The following ARHGAP8 variants were observed in gnomAD, a reference collection of about 807,000 sequenced individuals.
ARHGAP8 encodes rho GTPase-activating protein 8.
ARHGAP8 carries 62 observed loss-of-function variants against 46.1 expected under a neutral mutation model. That is an observed-to-expected ratio of 1.34 (90% CI 1.10 to 1.66). ARHGAP8 has a LOEUF of 1.66. Among genes scored for constraint, ARHGAP8 ranks in the 40% most tolerant of loss-of-function variants. ARHGAP8 has a pLI of 0.00. For missense variants in ARHGAP8, 923 were observed against 568.4 expected, an observed-to-expected ratio of 1.62 and a Z score of -6.34; for synonymous variants, 375 against 243.1, an observed-to-expected ratio of 1.54 and a Z score of -5.05.
intron 10 of ARHGAP8, among the ~76,000 whole-genome samples, chr22:44,854,258 A>G (rs2070168063): frequency 1.5e-5 from 2 of 131,486 alleles, no homozygotes; most frequent in African/African-American, 5.7e-5. Flanking sequence ...TTTTTTTGAG[A>G]CGGAGTCTTG....
chr22:44,859,076 C>G (rs1229281474), intron 10 of ARHGAP8, among the ~76,000 whole-genome samples: 1 of 150,866 alleles, frequency 6.6e-6, no homozygotes, highest in Non-Finnish European at 1.5e-5. Context: ...TTGCCAACCC[C>G]TGGTCTAGAC....
At chr22:44,834,917 C>T (rs1434259965) in intron 7 of ARHGAP8, among the ~76,000 whole-genome samples, 2 of 152,010 alleles carry the variant, frequency 1.3e-5, no homozygotes, top group African/African-American at 4.8e-5. Flanking sequence ...TTAATATAGC[C>T]ATTATAGCTC....
chr22:44,818,166 T>C (rs1452234336), intron 5 of ARHGAP8, among the ~76,000 whole-genome samples: 1 of 147,842 alleles, frequency 6.8e-6, no homozygotes, highest in Non-Finnish European at 1.5e-5. Flanking sequence ...TTCACCTGCT[T>C]GGCCAGGCAC....
intron 1 of ARHGAP8, among the ~76,000 whole-genome samples, chr22:44,776,861 G>A (rs1926463524): frequency 6.6e-6 from 1 of 152,010 alleles, no homozygotes. Flanking sequence ...CCTTCCACTG[G>A]GAGCCTCTCC....
chr22:44,862,433 C>A lies in ARHGAP8; in HGVS notation c.1140C>A (p.Ile380=), dbSNP rs778008520. The change falls in exon 12 of 12, where the codon ATC becomes ATA. Residue 380 remains isoleucine (I), a synonymous_variant. Coordinates refer to ENST00000356099, the MANE Select transcript of ARHGAP8 (RefSeq NM_181335.3). ...TELLIEYYEK[I]FSTPEAPGEH... is the part of the protein sequence containing the mutation. ...TGCTGATCGAGTACTATGAAAAGATCTTCAGCACCCCGGAGGCACCTGGGG... is the reference window on the plus strand; with the variant it reads ...TGCTGATCGAGTACTATGAAAAGATATTCAGCACCCCGGAGGCACCTGGGG... The A allele has an allele frequency of 6.2e-7, 1 of 1,614,152 alleles. No individual in the cohort carries two copies. The highest frequency in any genetic ancestry group is 1.1e-5 in the South Asian group (1 of 91,080).
At chr22:44,854,304 T>C (rs988691073) in intron 10 of ARHGAP8, among the ~76,000 whole-genome samples, 11 of 150,690 alleles carry the variant, frequency 7.3e-5, no homozygotes, top group Non-Finnish European at 8.8e-5. Context: ...TGGCCTGATC[T>C]TGGCTCATTA....
At chr22:44,759,629 G>GGA (rs1924970270) in intron 1 of ARHGAP8, among the ~76,000 whole-genome samples, 2 of 149,266 alleles carry the variant, frequency 1.3e-5, no homozygotes, top group South Asian at 4.2e-4. Flanking sequence ...ACCCAGCTGC[G>GGA]CAGAGACTCT....
At chr22:44,861,430 G>C (rs921330770) in intron 11 of ARHGAP8, among the ~76,000 whole-genome samples, 7 of 152,200 alleles carry the variant, frequency 4.6e-5, no homozygotes, top group African/African-American at 1.7e-4. Flanking sequence ...AGTGGGCCTG[G>C]CTGGTGCACA....
chr22:44,853,990 G>A (rs575624540), intron 10 of ARHGAP8, among the ~76,000 whole-genome samples: 24 of 116,482 alleles, frequency 2.1e-4, no homozygotes, highest in Non-Finnish European at 3.7e-4. Context: ...TCTCACCATT[G>A]CACTCCAGCC....
chr22:44,804,200 G>C (rs969329425), intron 3 of ARHGAP8, among the ~76,000 whole-genome samples: 1 of 152,098 alleles, frequency 6.6e-6, no homozygotes, highest in South Asian at 2.1e-4. Flanking sequence ...GGCCTTGGGC[G>C]CCCTGTCATC....
At chr22:44,851,290 G>A (rs2070086536) in intron 10 of ARHGAP8, among the ~76,000 whole-genome samples, 1 of 152,216 alleles carries the variant, frequency 6.6e-6, no homozygotes, top group African/African-American at 2.4e-5. Context: ...AGGTTCATTG[G>A]TGGGAACCCT....
In ARHGAP8 at chr22:44,814,742, T is replaced by A; in HGVS notation, c.370T>A (p.Leu124Met). Reference sequence around the variant, plus strand: ...CTTCATCAAGGTCCTGTGGAACATCTTGAAGCCCCTCATCAGGTATGCGTC... The same window carrying A: ...CTTCATCAAGGTCCTGTGGAACATCATGAAGCCCCTCATCAGGTATGCGTC... ...TSFIKVLWNILKPLISHKFGK... is the reference protein window; with the variant it reads ...TSFIKVLWNIMKPLISHKFGK... Residue 124 changes from leucine to methionine, a missense_variant, in exon 5 of 12, where the codon TTG (leucine) becomes ATG (methionine). Transcript: ENST00000356099. The A allele has an allele frequency of 6.2e-7, 1 of 1,614,012 alleles. No individual in the cohort carries two copies. The highest frequency in any genetic ancestry group is 1.1e-5 in the South Asian group (1 of 91,066).
chr22:44,819,277 G>T (rs141431992), intron 5 of ARHGAP8, among the ~76,000 whole-genome samples: 1 of 152,272 alleles, frequency 6.6e-6, no homozygotes, highest in Non-Finnish European at 1.5e-5. Flanking sequence ...ATGTTACCCA[G>T]GCTCCTCTCC....
In ARHGAP8 at chr22:44,835,560, G is replaced by A. The variant is rs570560433; in HGVS notation, c.597-9709G>A. Among the ~76,000 whole-genome samples the A allele has an allele frequency of 3.9e-5, 6 of 152,320 alleles. No homozygotes were observed. The East Asian group carries it at 1.2e-3, about 29-fold the overall frequency. On this transcript the variant is annotated intron_variant, in intron 7 of 11. Transcript: ENST00000356099. ...CACTTGAACCGGGGAGGCGGAGGTT[G>A]CAGTGAGCCAAGATCGCGCCACTGC...
chr22:44,834,717 A>G (rs1931168875), intron 7 of ARHGAP8, among the ~76,000 whole-genome samples: 1 of 152,178 alleles, frequency 6.6e-6, no homozygotes, highest in African/African-American at 2.4e-5. Flanking sequence ...AGTCTCCAGT[A>G]TCATTTTAAA....
At chr22:44,782,400 C>G (rs1028833335) in intron 1 of ARHGAP8, among the ~76,000 whole-genome samples, 1 of 152,148 alleles carries the variant, frequency 6.6e-6, no homozygotes, top group African/African-American at 2.4e-5. Flanking sequence ...TCAGGGCTGT[C>G]GAGTCCACTC....
intron 2 of ARHGAP8, among the ~76,000 whole-genome samples, chr22:44,797,075 T>C: frequency 6.6e-6 from 1 of 152,158 alleles, no homozygotes; most frequent in East Asian, 1.9e-4. Flanking sequence ...AGGGGCCGTG[T>C]CTCATCTTCT....
chr22:44,858,994 C>T (rs535851766), intron 10 of ARHGAP8, among the ~76,000 whole-genome samples: 90 of 151,918 alleles, frequency 5.9e-4, no homozygotes, highest in Middle Eastern at 6.8e-3. Flanking sequence ...ACAAAATGTC[C>T]GTGGCTGTGT....
chr22:44,855,309 G>A (rs544405251), intron 10 of ARHGAP8, among the ~76,000 whole-genome samples: 1 of 152,004 alleles, frequency 6.6e-6, no homozygotes, highest in East Asian at 1.9e-4. Flanking sequence ...GCTGAGGCAT[G>A]CACTACCACA....
Sources: allele counts gnomAD v4.1 joint callset (sites outside exome capture counted in the v4.1 genomes callset), GRCh38; gene constraint gnomAD v4.1.1; transcripts MANE v1.5; gene names NCBI Gene and HGNC (gene_info 2026-07-23, HGNC 2026-07-21).